The following MKNK1 variants were observed in gnomAD, a reference collection of about 807,000 sequenced individuals.
The protein encoded by MKNK1 is MAP kinase-interacting serine/threonine-protein kinase 1.
Under a neutral mutation model 49.3 loss-of-function variants are expected in MKNK1, and 30 were observed. The observed-to-expected ratio is 0.61, with a 90% CI of 0.46 to 0.83. The LOEUF is 0.83. Ranked by LOEUF, MKNK1 falls within the 40% of genes least tolerant of loss-of-function variation. The pLI is 0.00. For missense variants in MKNK1, 423 were observed against 524.7 expected, an observed-to-expected ratio of 0.81 and a Z score of 1.89; for synonymous variants, 176 against 201.7, an observed-to-expected ratio of 0.87 and a Z score of 1.08.
chr1:46,581,059 A>AAT (rs1312114066), intron 3 of MKNK1, among the ~76,000 whole-genome samples: 1 of 152,032 alleles, frequency 6.6e-6, no homozygotes, highest in African/African-American at 2.4e-5. Context: ...CCATCTCTAA[A>AAT]ATATATATAC....
At chr1:46,584,424 T>C (rs1480703183) in intron 2 of MKNK1, 1 of 151,946 alleles carries the variant, frequency 6.6e-6, no homozygotes, top group Non-Finnish European at 1.5e-5. Flanking sequence ...CGAGTGCTGA[T>C]GGGGCATACG....
At chr1:46,599,595 G>A (rs1244945373) in intron 1 of MKNK1, among the ~76,000 whole-genome samples, 1 of 152,148 alleles carries the variant, frequency 6.6e-6, no homozygotes, top group African/African-American at 2.4e-5. Context: ...CCCATTCTGG[G>A]ACCATCTTTG....
intron 7 of MKNK1, chr1:46,568,770 C>G (rs1353855262): frequency 2.1e-6 from 1 of 467,936 alleles, no homozygotes; most frequent in African/African-American, 2.0e-5. Context: ...CCCTCAGTAC[C>G]ACAGTGACCA....
At chr1:46,571,921 C>T in intron 7 of MKNK1, 142 bp downstream of exon 7, 1 of 707,556 alleles carries the variant, frequency 1.4e-6, no homozygotes, top group Non-Finnish European at 2.4e-6. Context: ...CCCTCAACTC[C>T]CATGGGTGAG....
rs1673070933 is a variant in MKNK1, at chr1:46,589,615, G to A, written c.-3+4498C>T. Among the ~76,000 whole-genome samples the A allele has an allele frequency of 6.6e-6, 1 of 152,208 alleles. No individual in the cohort carries two copies. Among genetic ancestry groups the A allele is most frequent in the South Asian group, 2.1e-4 (1 of 4,834 alleles). On this transcript the variant is annotated intron_variant, in intron 2 of 12. Coordinates refer to ENST00000371945, the MANE Select transcript of MKNK1 (RefSeq NM_001135553.4). The surrounding 1 kb of genome is among the most constrained non-coding windows in gnomAD (Gnocchi z 4.3). ...ACTGATGGTACTGAAGGTATAGTAA[G>A]TGTGAAGGATACAGATCCAGGAATC... is the stretch of plus-strand genomic sequence containing the variant.
chr1:46,562,983 G>A (rs1040905397), intron 9 of MKNK1, 140 bp from the exon 10 acceptor site: 6 of 680,706 alleles, frequency 8.8e-6, no homozygotes, highest in Admixed American at 3.6e-5. Context: ...AGGAAGGCCA[G>A]CCAGTGAGCC....
chr1:46,559,234 T>C (rs887480052), intron 12 of MKNK1, among the ~76,000 whole-genome samples: 3 of 152,178 alleles, frequency 2.0e-5, no homozygotes, highest in Non-Finnish European at 4.4e-5. Context: ...ACAGGCACTT[T>C]GGGTTTGCAG....
chr1:46,582,871 A>G, intron 3 of MKNK1: 1 of 485,708 alleles, frequency 2.1e-6, no homozygotes, highest in Non-Finnish European at 4.0e-6. Context: ...TTCCTCTTAT[A>G]TAGTTCTATC....
At chr1:46,598,225 G>C (rs970994257) in intron 1 of MKNK1, among the ~76,000 whole-genome samples, 2 of 152,192 alleles carry the variant, frequency 1.3e-5, no homozygotes, top group Non-Finnish European at 2.9e-5. Context: ...AAGTGAATTG[G>C]AGGAGTCTTG....
At chr1:46,590,485 T>C (rs751571403) in intron 2 of MKNK1, among the ~76,000 whole-genome samples, 4 of 152,230 alleles carry the variant, frequency 2.6e-5, no homozygotes, top group Non-Finnish European at 4.4e-5. Context: ...ATGAGCTAAG[T>C]ATCCAGATTT....
At chr1:46,565,619 C>T (rs937272202) in intron 8 of MKNK1, among the ~76,000 whole-genome samples, 3 of 152,152 alleles carry the variant, frequency 2.0e-5, no homozygotes, top group African/African-American at 7.2e-5. Flanking sequence ...GAAACTCCTG[C>T]GTTCCAGGAA....
In MKNK1 at chr1:46,565,034, T is replaced by G; in HGVS notation, c.609+7A>C. The G allele has an allele frequency of 6.2e-7, 1 of 1,612,350 alleles. No individual in the cohort carries two copies. Among genetic ancestry groups the G allele is most frequent in the Non-Finnish European group, 8.5e-7 (1 of 1,178,414 alleles). On this transcript the variant is annotated splice_region_variant and intron_variant, in intron 9 of 12. Coordinates refer to ENST00000371945, the MANE Select transcript of MKNK1 (RefSeq NM_001135553.4). Reference sequence around the variant, plus strand: ...AATACTTAGGAGCCCAGAGGAAGCATACGTACTGGGGTGGTCAGCTCTGGT... The same window carrying G: ...AATACTTAGGAGCCCAGAGGAAGCAGACGTACTGGGGTGGTCAGCTCTGGT...
At chr1:46,564,466 G>GTTTTT (rs568296534) in intron 9 of MKNK1, among the ~76,000 whole-genome samples, 735 of 70,126 alleles carry the variant, frequency 0.01, 167 homozygotes, top group African/African-American at 0.029. Context: ...TTTTTTTATT[G>GTTTTT]TTTTTTTTTT....
At chr1:46,592,255 A>C (rs1673442107) in intron 2 of MKNK1, among the ~76,000 whole-genome samples, 1 of 152,168 alleles carries the variant, frequency 6.6e-6, no homozygotes, top group South Asian at 2.1e-4. Flanking sequence ...AAAAACAAAA[A>C]CAAAAACCTG....
intron 4 of MKNK1, among the ~76,000 whole-genome samples, chr1:46,578,977 T>A (rs1671375116): frequency 6.6e-6 from 1 of 152,018 alleles, no homozygotes; most frequent in Non-Finnish European, 1.5e-5. Context: ...TGGTCTTGAA[T>A]TCCTGACCTC....
chr1:46,558,239 C>T lies in MKNK1; in HGVS notation c.*336G>A, dbSNP rs1456549811. 1.5e-5 allele frequency: 4 copies of T among 259,182 alleles called. No individual in the cohort carries two copies. The highest frequency in any genetic ancestry group is 7.4e-5 in the East Asian group (1 of 13,468). 16.1% of individuals were successfully genotyped at this position (259,182 alleles called of 1,614,324 possible). On this transcript the variant is annotated 3_prime_UTR_variant, in exon 13 of 13. Transcript: ENST00000371945. ...TCTCCCTGCAGGCTGCAGCCCCAGCCGCCACAGCTACAGCGGTGAGAGCAG... is the reference window on the plus strand; with the variant it reads ...TCTCCCTGCAGGCTGCAGCCCCAGCTGCCACAGCTACAGCGGTGAGAGCAG...
chr1:46,601,344 C>T (rs1674710248), intron 1 of MKNK1, among the ~76,000 whole-genome samples: 1 of 152,244 alleles, frequency 6.6e-6, no homozygotes, highest in Non-Finnish European at 1.5e-5. Context: ...ATAACTTTCT[C>T]TTCCACATGC....
chr1:46,588,176 C>G (rs1672847113), intron 2 of MKNK1, among the ~76,000 whole-genome samples: 2 of 152,176 alleles, frequency 1.3e-5, no homozygotes, highest in South Asian at 4.1e-4. Context: ...CAAGTCCAGA[C>G]CATTTCTAAT....
intron 9 of MKNK1, chr1:46,563,052 A>G: frequency 3.7e-6 from 2 of 534,294 alleles, no homozygotes; most frequent in Non-Finnish European, 6.5e-6. Flanking sequence ...CATCCAGAGG[A>G]GCAGTTCAGG....
Sources: allele counts gnomAD v4.1 joint callset (sites outside exome capture counted in the v4.1 genomes callset), GRCh38; gene constraint gnomAD v4.1.1; non-coding constraint Gnocchi (gnomAD v3.1); transcripts MANE v1.5; gene names NCBI Gene and HGNC (gene_info 2026-07-23, HGNC 2026-07-21).